The following DZIP3 variants were observed in gnomAD, a reference collection of about 807,000 sequenced individuals.
DZIP3 encodes E3 ubiquitin-protein ligase DZIP3.
In DZIP3, 118 loss-of-function variants were observed where a neutral mutation model predicts 162.0. That is an observed-to-expected ratio of 0.73 (90% CI 0.63 to 0.85). The LOEUF (loss-of-function observed/expected upper bound fraction) is 0.85, where lower values mean the gene tolerates loss of function less well. DZIP3 is among the 40% of genes least tolerant of loss of function. DZIP3 has a pLI of 0.00. For missense variants in DZIP3, 1,331 were observed against 1,407.0 expected (o/e 0.95, Z 0.86); for synonymous variants, 438 against 458.6 (o/e 0.96, Z 0.57).
chr3:108,660,874 A>C (rs928685580), intron 19 of DZIP3, among the ~76,000 whole-genome samples: 3 of 152,248 alleles, frequency 2.0e-5, no homozygotes, highest in African/African-American at 7.2e-5. Flanking sequence ...GCCAAAAGAC[A>C]GATGAAAAAA....
At chr3:108,689,011 T>A in intron 31 of DZIP3, 87 bp downstream of exon 31, 1 of 1,303,770 alleles carries the variant, frequency 7.7e-7, no homozygotes, top group Non-Finnish European at 1.1e-6. Context: ...TTATCCATTG[T>A]TGTCTCACAA....
At chr3:108,660,542 A>G (rs1436786012) in intron 19 of DZIP3, among the ~76,000 whole-genome samples, 1 of 152,138 alleles carries the variant, frequency 6.6e-6, no homozygotes, top group East Asian at 1.9e-4. Flanking sequence ...ACCCTAGAAG[A>G]AAACCTAGGC....
At chr3:108,621,158 C>T (rs1003658956) in intron 5 of DZIP3, among the ~76,000 whole-genome samples, 4 of 152,102 alleles carry the variant, frequency 2.6e-5, no homozygotes, top group African/African-American at 7.2e-5. Flanking sequence ...GTAGATACTT[C>T]AGTGTTCGTT....
intron 31 of DZIP3, among the ~76,000 whole-genome samples, chr3:108,689,397 A>G (rs1944610458): frequency 6.6e-6 from 1 of 152,204 alleles, no homozygotes; most frequent in African/African-American, 2.4e-5. Context: ...TTGATGTTAG[A>G]AAAATGTGAG....
intron 5 of DZIP3, 102 bp from the exon 6 acceptor site, chr3:108,624,339 CTTG>C (rs1559735753): frequency 3.2e-6 from 2 of 617,172 alleles, no homozygotes; most frequent in Non-Finnish European, 2.9e-6. Context: ...ATAATTTTTA[CTTG>C]TTTTAATAAT....
intron 3 of DZIP3, among the ~76,000 whole-genome samples, chr3:108,610,192 G>C (rs550059041): frequency 7.9e-5 from 12 of 152,150 alleles, no homozygotes; most frequent in Admixed American, 5.9e-4. Context: ...AGGTATATTT[G>C]TGGAATATAG....
chr3:108,611,300 C>T lies in DZIP3; in HGVS notation c.229C>T (p.Gln77Ter). The change falls in exon 4 of 33, where the codon CAA (glutamine) becomes TAA (stop). Residue 77 changes from glutamine (Q) to a stop codon, truncating the protein, a stop_gained. Transcript: ENST00000361582. LOFTEE classifies it high-confidence loss of function. ...GVVPHIKKFL[Q>*]EDFSFQTMQR... ...GGTTCCTCACATTAAGAAGTTCTTA[C>T]AAGAAGATTTTTCCTTCCAAACTAT... The T allele has an allele frequency of 6.2e-7, 1 of 1,611,460 alleles. No individual in the cohort carries two copies. Among genetic ancestry groups the T allele is most frequent in the Non-Finnish European group, 8.5e-7 (1 of 1,179,166 alleles).
rs752556548 is a variant in DZIP3 at position 108,611,232 on chromosome 3, T to G, written c.161T>G (p.Val54Gly). The change falls in exon 4 of 33, where the codon GTG (valine) becomes GGG (glycine). Residue 54 changes from valine to glycine, a missense_variant. Transcript: ENST00000361582. ...DLVPVNLLLE[V>G]KKLLNAINTL... ...GTCCCTGTTAACCTACTATTAGAAG[T>G]GAAGAAGTTATTAAATGCAATTAAT... The G allele has an allele frequency of 3.7e-6, 6 of 1,612,460 alleles. No homozygotes were observed. The highest frequency in any genetic ancestry group is 5.1e-6 in the Non-Finnish European group (6 of 1,179,490).
chr3:108,606,252 T>C (rs1940365647), intron 2 of DZIP3, among the ~76,000 whole-genome samples: 1 of 152,180 alleles, frequency 6.6e-6, no homozygotes, highest in South Asian at 2.1e-4. Flanking sequence ...TGACATTCTC[T>C]TTTCTCCAAG....
intron 2 of DZIP3, 139 bp downstream of exon 2, chr3:108,605,577 C>A: frequency 2.5e-6 from 2 of 813,488 alleles, no homozygotes; most frequent in Non-Finnish European, 3.9e-6. Context: ...TAGATTCTCA[C>A]AAGGAGTGGG....
intron 14 of DZIP3, 116 bp from the exon 15 acceptor site, chr3:108,646,501 C>A: frequency 1.4e-6 from 1 of 734,148 alleles, no homozygotes; most frequent in South Asian, 1.6e-5. Flanking sequence ...GTTATTTTTC[C>A]AGTTACTTAC....
At chr3:108,640,160 G>A (rs752565700) in intron 12 of DZIP3, among the ~76,000 whole-genome samples, 1 of 151,974 alleles carries the variant, frequency 6.6e-6, no homozygotes, top group Non-Finnish European at 1.5e-5. Context: ...CTTGGTGAAT[G>A]TTCTACTTGG....
chr3:108,689,594 G>C (rs903600218), intron 31 of DZIP3, among the ~76,000 whole-genome samples: 3 of 152,174 alleles, frequency 2.0e-5, no homozygotes, highest in African/African-American at 7.2e-5. Context: ...GGCTGAGGCA[G>C]GAGAATGGTG....
rs771408036 is a variant in DZIP3 at position 108,654,151 on chromosome 3, T to C, written c.2040T>C (p.Tyr680=). The change falls in exon 19 of 33, where the codon TAT becomes TAC. Residue 680 remains tyrosine, a synonymous_variant. Coordinates refer to ENST00000361582, the MANE Select transcript of DZIP3 (RefSeq NM_014648.4). The stretch of plus-strand genomic sequence containing the variant: ...GATTATGTCACGACTACAGCCCATA[T>C]GTGGTAGAAAAGGAAGAGCAGTTGA... ...NKDSKEDQVP[Y]VVEKEEQLRK... is the part of the protein sequence containing the mutation. 1.2e-6 allele frequency: 2 copies of C among 1,613,010 alleles called. No individual in the cohort carries two copies. Among genetic ancestry groups the C allele is most frequent in the Admixed American group, 3.3e-5 (2 of 59,986 alleles).
At chr3:108,680,537 A>G (rs539963077) in intron 26 of DZIP3, among the ~76,000 whole-genome samples, 92 of 152,262 alleles carry the variant, frequency 6.0e-4, no homozygotes, top group Non-Finnish European at 8.5e-4. Flanking sequence ...CCCATTTACA[A>G]TAGCTACAAA....
chr3:108,648,902 A>G lies in DZIP3; in HGVS notation c.1963-16A>G. 1 of 1,149,696 alleles carries G rather than the reference A, an allele frequency of 8.7e-7. No individual in the cohort carries two copies. The highest frequency in any genetic ancestry group is 2.2e-4 in the Middle Eastern group (1 of 4,454). The allele number at this position is 1,149,696 out of a possible 1,614,324, so 71.2% of individuals were successfully genotyped here. A position where few individuals can be genotyped will look rare whatever the true frequency, so the allele number is the denominator to read the frequency against. ...ATTTGAATTACATATTTAATAAATA[A>G]TTTTTTACCTACTAGGTTAAGAGTA... On this transcript the variant is annotated splice_polypyrimidine_tract_variant and intron_variant, in intron 16 of 32. Coordinates refer to ENST00000361582, the MANE Select transcript of DZIP3 (RefSeq NM_014648.4).
intron 10 of DZIP3, among the ~76,000 whole-genome samples, chr3:108,635,637 TTATA>T (rs71930078): frequency 6.8e-6 from 1 of 146,302 alleles, no homozygotes; most frequent in South Asian, 2.1e-4. Context: ...ATTATATAAG[TTATA>T]TATATATTAT....
chr3:108,632,698 A>G (rs775112578), intron 8 of DZIP3, among the ~76,000 whole-genome samples: 2 of 152,172 alleles, frequency 1.3e-5, no homozygotes, highest in Non-Finnish European at 2.9e-5. Flanking sequence ...GGCTTCAAAC[A>G]TACACTTCTC....
At chr3:108,642,115 T>C (rs1208289324) in intron 12 of DZIP3, among the ~76,000 whole-genome samples, 1 of 152,212 alleles carries the variant, frequency 6.6e-6, no homozygotes, top group Admixed American at 6.5e-5. Flanking sequence ...TTTTTTTGTT[T>C]GCTTGCTTGC....
Sources: allele counts gnomAD v4.1 joint callset (sites outside exome capture counted in the v4.1 genomes callset), GRCh38; gene constraint gnomAD v4.1.1; transcripts MANE v1.5; gene names NCBI Gene and HGNC (gene_info 2026-07-23, HGNC 2026-07-21).